Variants in PDE7B observed in about 807,000 individuals in gnomAD.
PDE7B encodes the protein 3',5'-cyclic-AMP phosphodiesterase 7B.
Under a neutral mutation model 56.2 loss-of-function variants are expected in PDE7B, and 29 were observed. The ratio of observed to expected loss-of-function variants is 0.52; its 90% CI spans 0.38 to 0.70. The LOEUF (loss-of-function observed/expected upper bound fraction) is 0.70. PDE7B is among the 30% of genes least tolerant of loss of function. The pLI, the probability that PDE7B is intolerant of heterozygous loss-of-function variation, is 0.00. For synonymous variants in PDE7B, 197 were observed against 196.9 expected, an observed-to-expected ratio of 1.00 and a Z score of 0.00; for missense variants, 490 against 565.0, an observed-to-expected ratio of 0.87 and a Z score of 1.35.
intron 2 of PDE7B, among the ~76,000 whole-genome samples, chr6:136,062,606 A>G (rs567406223): frequency 3.9e-5 from 6 of 152,214 alleles, no homozygotes; most frequent in South Asian, 2.1e-4. Context: ...TCAAAATGTC[A>G]GGACAGATGT....
chr6:135,878,035 G>A (rs1775533666), intron 1 of PDE7B, among the ~76,000 whole-genome samples: 1 of 152,134 alleles, frequency 6.6e-6, no homozygotes, highest in Admixed American at 6.5e-5. Flanking sequence ...GGGAAAGGAA[G>A]CCCTAATTTA....
At chr6:136,179,202 G>A (rs1171913851) in intron 10 of PDE7B, 61 bp downstream of exon 10, 42 of 1,517,596 alleles carry the variant, frequency 2.8e-5, no homozygotes, top group South Asian at 2.5e-4. Flanking sequence ...TGGGCTGGGT[G>A]TGGTGGCTCA....
At chr6:135,940,767 A>G (rs1196676212) in intron 1 of PDE7B, among the ~76,000 whole-genome samples, 1 of 152,166 alleles carries the variant, frequency 6.6e-6, no homozygotes, top group Non-Finnish European at 1.5e-5. Context: ...AGCTGCATCT[A>G]TGGCAGTGCT....
intron 2 of PDE7B, among the ~76,000 whole-genome samples, chr6:136,092,656 G>A (rs754726796): frequency 6.6e-6 from 1 of 152,162 alleles, no homozygotes; most frequent in Non-Finnish European, 1.5e-5. Flanking sequence ...AGCTACTCGG[G>A]AGGCTGAGGC....
At chr6:136,158,751 A>C (rs919109733) in intron 8 of PDE7B, among the ~76,000 whole-genome samples, 79 of 152,298 alleles carry the variant, frequency 5.2e-4, no homozygotes, top group African/African-American at 1.7e-3. Context: ...CACCTCTCTC[A>C]TCAGACTGGA....
At chr6:135,920,353 T>C (rs1339831361) in intron 1 of PDE7B, among the ~76,000 whole-genome samples, 2 of 152,234 alleles carry the variant, frequency 1.3e-5, no homozygotes, top group Admixed American at 1.3e-4. Context: ...CTCCCCATGC[T>C]TCTTTTTCCA....
intron 2 of PDE7B, among the ~76,000 whole-genome samples, chr6:135,958,736 GC>G (rs773683054): frequency 7.4e-4 from 112 of 151,910 alleles, no homozygotes; most frequent in Non-Finnish European, 1.3e-3. Context: ...ATATCTAATT[GC>G]CAAAATATAT....
At chr6:135,907,902 A>T (rs1382274793) in intron 1 of PDE7B, among the ~76,000 whole-genome samples, 1 of 152,212 alleles carries the variant, frequency 6.6e-6, no homozygotes, top group Non-Finnish European at 1.5e-5. Context: ...TTGAAAAGAC[A>T]TGTCATATCA....
intron 2 of PDE7B, among the ~76,000 whole-genome samples, chr6:136,068,423 C>CTTTTTTT (rs33992191): frequency 1.3e-5 from 1 of 79,514 alleles, no homozygotes; most frequent in Non-Finnish European, 2.3e-5. Context: ...ACCAAGATTC[C>CTTTTTTT]TTTTTTTTTT....
chr6:136,157,572 C>T (rs753364721), intron 8 of PDE7B, among the ~76,000 whole-genome samples: 14 of 152,124 alleles, frequency 9.2e-5, no homozygotes, highest in African/African-American at 2.9e-4. Flanking sequence ...AGGGAGACTC[C>T]GTCTCAAAGA....
rs117941784 is a variant in PDE7B at position 136,145,518 on chromosome 6, G to A, written c.167-1833G>A. 3.6e-4 allele frequency among the ~76,000 whole-genome samples: 55 copies of A among 152,242 alleles called. 3 individuals are homozygous for A. The East Asian group carries it at 0.01, about 28-fold the overall frequency. On this transcript the variant is annotated intron_variant, in intron 3 of 12. Coordinates refer to ENST00000308191, the MANE Select transcript of PDE7B (RefSeq NM_018945.4). Reference sequence around the variant, plus strand: ...CAGAATCTGGGTGCTAGAAGTGCTCGTTGCTACTTCTAGGCACTTCTAGAG... The same window carrying A: ...CAGAATCTGGGTGCTAGAAGTGCTCATTGCTACTTCTAGGCACTTCTAGAG...
At chr6:136,024,733 C>T (rs1188256219) in intron 2 of PDE7B, among the ~76,000 whole-genome samples, 1 of 152,088 alleles carries the variant, frequency 6.6e-6, no homozygotes, top group Non-Finnish European at 1.5e-5. Flanking sequence ...TATGCAACAC[C>T]CTAGTTCAAT....
intron 2 of PDE7B, among the ~76,000 whole-genome samples, chr6:136,012,020 T>C (rs1245767268): frequency 6.6e-6 from 1 of 152,166 alleles, no homozygotes; most frequent in African/African-American, 2.4e-5. Context: ...TTTGTGGCAA[T>C]GTAATTACAA....
rs137972564 is a variant in PDE7B, at chr6:136,176,305, AAAG to A, written c.803+2420_803+2422del. ...AAATTCAGTAAGTATTCATATCTTC[AAAG>A]AATTCATATAATTTTGAGAAGTATA... On this transcript the variant is annotated intron_variant, in intron 9 of 12. Coordinates refer to ENST00000308191, the MANE Select transcript of PDE7B (RefSeq NM_018945.4). 4.7e-3 allele frequency among the ~76,000 whole-genome samples: 710 copies of A among 152,240 alleles called. 4 individuals are homozygous for A. Among genetic ancestry groups the A allele is most frequent in the African/African-American group, 0.016 (684 of 41,574 alleles).
chr6:136,151,490 G>A (rs1778512466), intron 6 of PDE7B, among the ~76,000 whole-genome samples: 1 of 152,110 alleles, frequency 6.6e-6, no homozygotes, highest in African/African-American at 2.4e-5. Context: ...CTAACCCCCT[G>A]TGTAGTCAAA....
intron 3 of PDE7B, 42 bp from the exon 4 acceptor site, chr6:136,147,309 C>T (rs1382942024): frequency 6.8e-7 from 1 of 1,471,706 alleles, no homozygotes; most frequent in Non-Finnish European, 9.3e-7. Flanking sequence ...AATTGGCTCT[C>T]TTTTAAATAT....
At chr6:136,142,615 C>A (rs1436028948) in intron 3 of PDE7B, among the ~76,000 whole-genome samples, 1 of 152,224 alleles carries the variant, frequency 6.6e-6, no homozygotes, top group East Asian at 1.9e-4. Context: ...TAAGGACTTG[C>A]TTTATGAATC....
At chr6:136,060,280 T>C (rs935431908) in intron 2 of PDE7B, among the ~76,000 whole-genome samples, 4 of 152,316 alleles carry the variant, frequency 2.6e-5, no homozygotes, top group African/African-American at 4.8e-5. Context: ...AGTGATTCTT[T>C]TGGCTCCCAT....
chr6:136,077,079 A>C (rs1346184773), intron 2 of PDE7B, among the ~76,000 whole-genome samples: 2 of 147,142 alleles, frequency 1.4e-5, no homozygotes, highest in Non-Finnish European at 3.0e-5. Context: ...CAAAATCAGG[A>C]TATAAACAGA....
Sources: allele counts gnomAD v4.1 joint callset (sites outside exome capture counted in the v4.1 genomes callset), GRCh38; gene constraint gnomAD v4.1.1; transcripts MANE v1.5; gene names NCBI Gene and HGNC (gene_info 2026-07-23, HGNC 2026-07-21).